Variants in GLI2 observed in about 807,000 individuals in gnomAD.
The protein encoded by GLI2 is transcription activator GLI2.
GLI2 carries 22 observed loss-of-function variants against 78.9 expected under a neutral mutation model. The observed-to-expected ratio is 0.28, with a 90% CI of 0.20 to 0.40. The LOEUF (loss-of-function observed/expected upper bound fraction) is 0.40, where lower values mean the gene tolerates loss of function less well. Ranked by LOEUF, GLI2 falls within the 10% of genes least tolerant of loss-of-function variation. GLI2 has a pLI of 1.00. For synonymous variants in GLI2, 974 were observed against 963.7 expected (o/e 1.01, Z -0.20); for missense variants, 2,097 against 2,213.2 (o/e 0.95, Z 1.05).
intron 1 of GLI2, among the ~76,000 whole-genome samples, chr2:120,770,457 G>A (rs1054259068): frequency 1.3e-5 from 2 of 152,206 alleles, no homozygotes; most frequent in Non-Finnish European, 2.9e-5. Context: ...GTCTCATCTT[G>A]GTGCCTGATG....
intron 10 of GLI2, among the ~76,000 whole-genome samples, 160 bp from the exon 11 acceptor site, chr2:120,982,556 C>A (rs1391817900): frequency 6.6e-6 from 1 of 152,148 alleles, no homozygotes; most frequent in Non-Finnish European, 1.5e-5. Context: ...TCAGCCCTTT[C>A]CATGTTTTCA....
chr2:120,812,982 A>G (rs1294707542), intron 2 of GLI2, among the ~76,000 whole-genome samples: 1 of 152,140 alleles, frequency 6.6e-6, no homozygotes, highest in East Asian at 1.9e-4. Context: ...CTGGGTAGGG[A>G]AAGAGCGCTG....
chr2:120,827,496 A>C (rs956128551), intron 2 of GLI2, among the ~76,000 whole-genome samples: 3 of 152,228 alleles, frequency 2.0e-5, no homozygotes, highest in Non-Finnish European at 4.4e-5. Context: ...TTGGAAAATG[A>C]AACAGAATTA....
intron 2 of GLI2, among the ~76,000 whole-genome samples, chr2:120,847,526 G>A (rs949197880): frequency 3.3e-5 from 5 of 152,010 alleles, no homozygotes; most frequent in Non-Finnish European, 5.9e-5. Flanking sequence ...GAACTCCTGC[G>A]AGGCTCCTCC....
intron 2 of GLI2, chr2:120,867,209 A>G (rs72971975): frequency 0.17 from 25,679 of 152,134 alleles, 2,627 homozygotes; most frequent in Middle Eastern, 0.33. Context: ...ATGACCCCCA[A>G]GTTCCAGACC....
chr2:120,803,485 C>T (rs975604283), intron 2 of GLI2, among the ~76,000 whole-genome samples: 1 of 152,234 alleles, frequency 6.6e-6, no homozygotes, highest in Non-Finnish European at 1.5e-5. Context: ...TTCCCTTTCA[C>T]TGGTAACCCT....
chr2:120,845,559 T>C (rs1687076521), intron 2 of GLI2, among the ~76,000 whole-genome samples: 1 of 152,132 alleles, frequency 6.6e-6, no homozygotes, highest in African/African-American at 2.4e-5. Flanking sequence ...CGCCCAGTTT[T>C]GGGTGGCCTG....
intron 1 of GLI2, among the ~76,000 whole-genome samples, chr2:120,793,210 C>T (rs1684231314): frequency 6.6e-6 from 1 of 152,254 alleles, no homozygotes; most frequent in Admixed American, 6.5e-5. Flanking sequence ...CGGGTGCCCG[C>T]TCCCACCCCC....
At chr2:120,988,150 G>A (rs945589591) in intron 13 of GLI2, 58 bp from the exon 14 acceptor site, 10 of 1,501,994 alleles carry the variant, frequency 6.7e-6, no homozygotes, top group Non-Finnish European at 9.0e-6. Context: ...ACTGAGCACG[G>A]TCAAAGCAAG....
chr2:120,988,203 C>A lies in GLI2; in HGVS notation c.2243-5C>A. ...CCCGGTGCTGACCCCTCTGCTCTCCCGCAGGCTCCATCCTGGAAAACTTCA... is the reference window on the plus strand; with the variant it reads ...CCCGGTGCTGACCCCTCTGCTCTCCAGCAGGCTCCATCCTGGAAAACTTCA... On this transcript the variant is annotated splice_polypyrimidine_tract_variant and splice_region_variant and intron_variant, in intron 13 of 13. Coordinates refer to ENST00000361492, the MANE Select transcript of GLI2 (RefSeq NM_001374353.1). 1 of 1,586,376 alleles carries A rather than the reference C, an allele frequency of 6.3e-7. No homozygotes were observed. Among genetic ancestry groups the A allele is most frequent in the Non-Finnish European group, 8.5e-7 (1 of 1,169,772 alleles).
In GLI2 at chr2:120,989,005, A is replaced by G. The variant is rs750136710; in HGVS notation, c.3040A>G (p.Ile1014Val). 93 of 1,598,518 alleles carry G rather than the reference A, an allele frequency of 5.8e-5. No homozygotes were observed. The highest frequency in any genetic ancestry group is 7.6e-5 in the Non-Finnish European group (90 of 1,176,668). Reference protein sequence around the residue: ...RGAYSPRPPSISENVAMEAVA... With the variant: ...RGAYSPRPPSVSENVAMEAVA... ...CGCCTACTCGCCCCGGCCGCCTAGCATCAGCGAGAACGTGGCGATGGAGGC... is the reference window on the plus strand; with the variant it reads ...CGCCTACTCGCCCCGGCCGCCTAGCGTCAGCGAGAACGTGGCGATGGAGGC... Residue 1014 changes from isoleucine to valine, a missense_variant, in exon 14 of 14, where the codon ATC becomes GTC. Around this residue, in one of 5 missense-constraint regions of GLI2, gnomAD observed 1,290 missense variants for 1,261.7 expected, o/e 1.02. Coordinates refer to ENST00000361492, the MANE Select transcript of GLI2 (RefSeq NM_001374353.1).
At chr2:120,747,661 C>T (rs1682732447) in intron 1 of GLI2, among the ~76,000 whole-genome samples, 1 of 152,146 alleles carries the variant, frequency 6.6e-6, no homozygotes, top group African/African-American at 2.4e-5. Context: ...CAAGGCAGCC[C>T]ATGACAAAGA....
intron 5 of GLI2, among the ~76,000 whole-genome samples, chr2:120,957,500 C>T (rs760747569): frequency 9.2e-5 from 14 of 152,244 alleles, no homozygotes; most frequent in South Asian, 2.1e-4. Flanking sequence ...CAACCGAGTG[C>T]ATGAAGGATC....
intron 2 of GLI2, among the ~76,000 whole-genome samples, chr2:120,816,816 A>G (rs562410683): frequency 1.5e-4 from 23 of 152,352 alleles, no homozygotes. Context: ...AGATCTAGAG[A>G]TAGAAAAGAG....
rs560883379 is a variant in GLI2 at position 120,828,769 on chromosome 2, A to G, written c.148+31301A>G. On this transcript the variant is annotated intron_variant, in intron 2 of 13. Transcript: ENST00000361492. ...AACAAAACGGTAAAATGAAAGGAAT[A>G]ATTTATTTGGTCAGACACTATAATT... Among the ~76,000 whole-genome samples the G allele has an allele frequency of 2.6e-5, 4 of 151,016 alleles. No homozygotes were observed. In the South Asian group the frequency reaches 8.4e-4, roughly 32 times the overall value.
At chr2:120,803,807 A>G (rs1684809817) in intron 2 of GLI2, among the ~76,000 whole-genome samples, 2 of 152,208 alleles carry the variant, frequency 1.3e-5, no homozygotes, top group South Asian at 2.1e-4. Flanking sequence ...GCCTGGGCAT[A>G]TGTATTTTTA....
At chr2:120,779,229 G>T (rs1015665749) in intron 1 of GLI2, among the ~76,000 whole-genome samples, 4 of 152,214 alleles carry the variant, frequency 2.6e-5, no homozygotes, top group Non-Finnish European at 5.9e-5. Flanking sequence ...GGCTCAGGAG[G>T]CTTGAGCTGT....
intron 4 of GLI2, among the ~76,000 whole-genome samples, 199 bp from the exon 5 acceptor site, chr2:120,955,046 G>A (rs767872449): frequency 1.2e-4 from 18 of 151,376 alleles, no homozygotes; most frequent in South Asian, 2.1e-4. Context: ...CAGCAACACC[G>A]CAGCTCGTGC....
At chr2:120,869,769 A>C (rs1027113916) in intron 2 of GLI2, among the ~76,000 whole-genome samples, 5 of 152,156 alleles carry the variant, frequency 3.3e-5, no homozygotes, top group Non-Finnish European at 7.4e-5. Context: ...AGAGGAGTAG[A>C]GTGGCTCAGG....
Sources: allele counts gnomAD v4.1 joint callset (sites outside exome capture counted in the v4.1 genomes callset), GRCh38; gene constraint gnomAD v4.1.1; regional missense constraint gnomAD v4.1.1; transcripts MANE v1.5; gene names NCBI Gene and HGNC (gene_info 2026-07-23, HGNC 2026-07-21).